The following SLX4IP variants were observed in gnomAD, a reference collection of about 807,000 sequenced individuals.
SLX4IP encodes the protein protein SLX4IP.
Under a neutral mutation model 32.9 loss-of-function variants are expected in SLX4IP, and 34 were observed. The ratio of observed to expected loss-of-function variants is 1.03; its 90% CI spans 0.79 to 1.38. SLX4IP has a LOEUF of 1.38. Among genes scored for constraint, SLX4IP ranks in the 40% most tolerant of loss-of-function variants. The pLI is 0.00. For synonymous variants in SLX4IP, 172 were observed against 171.7 expected (o/e 1.00, Z -0.01); for missense variants, 444 against 479.0 (o/e 0.93, Z 0.68).
At chr20:10,504,426 T>C (rs2065741930) in intron 2 of SLX4IP, among the ~76,000 whole-genome samples, 2 of 152,214 alleles carry the variant, frequency 1.3e-5, no homozygotes, top group East Asian at 3.9e-4. Context: ...CAGCAGGGGA[T>C]GTAAAGAGCC....
intron 1 of SLX4IP, among the ~76,000 whole-genome samples, chr20:10,444,733 G>T (rs1035494654): frequency 2.0e-5 from 3 of 152,158 alleles, no homozygotes; most frequent in African/African-American, 7.2e-5. Context: ...ACATAAGGTA[G>T]AGAGGCTGGG....
intron 1 of SLX4IP, among the ~76,000 whole-genome samples, chr20:10,445,620 G>A (rs2065195787): frequency 6.9e-6 from 1 of 144,378 alleles, no homozygotes; most frequent in Non-Finnish European, 1.5e-5. Context: ...CAGCCGATGA[G>A]ATTGCCCTTT....
chr20:10,476,058 A>C (rs6039968), intron 2 of SLX4IP, among the ~76,000 whole-genome samples: 67 of 152,312 alleles, frequency 4.4e-4, no homozygotes, highest in African/African-American at 1.6e-3. Flanking sequence ...GATGGTCATA[A>C]TTAACTGCTT....
chr20:10,613,539 C>A, intron 6 of SLX4IP: 1 of 1,611,364 alleles, frequency 6.2e-7, no homozygotes. Context: ...TTCCTTTTGC[C>A]AATCCTTTTG....
At chr20:10,441,204 G>A (rs1430521688) in intron 1 of SLX4IP, among the ~76,000 whole-genome samples, 1 of 152,154 alleles carries the variant, frequency 6.6e-6, no homozygotes, top group Non-Finnish European at 1.5e-5. Context: ...GAGAGTCTGA[G>A]GCGAGTGGAG....
chr20:10,478,024 G>T (rs1479239178), intron 2 of SLX4IP, among the ~76,000 whole-genome samples: 5 of 151,030 alleles, frequency 3.3e-5, no homozygotes, highest in African/African-American at 9.8e-5. Flanking sequence ...TCAGCCTCCA[G>T]AGTAGCTGGG....
At chr20:10,507,978 A>G (rs2065773706) in intron 2 of SLX4IP, among the ~76,000 whole-genome samples, 1 of 151,878 alleles carries the variant, frequency 6.6e-6, no homozygotes, top group Non-Finnish European at 1.5e-5. Flanking sequence ...ATATATATAC[A>G]CACATTTGTG....
chr20:10,521,815 C>G (rs2065902648), intron 2 of SLX4IP, among the ~76,000 whole-genome samples: 1 of 152,160 alleles, frequency 6.6e-6, no homozygotes, highest in South Asian at 2.1e-4. Flanking sequence ...TTTTGGCTTT[C>G]TAAGGCACAA....
intron 2 of SLX4IP, among the ~76,000 whole-genome samples, chr20:10,504,810 C>T (rs114773255): frequency 0.019 from 2,930 of 152,124 alleles, 80 homozygotes; most frequent in African/African-American, 0.056. Flanking sequence ...CTTAGGTAGC[C>T]GGAACTGTGG....
chr20:10,459,063 C>T (rs34268543), intron 2 of SLX4IP, among the ~76,000 whole-genome samples: 83 of 152,268 alleles, frequency 5.5e-4, no homozygotes, highest in Non-Finnish European at 7.5e-4. Flanking sequence ...TTCTCACTGG[C>T]GTGAGATGGT....
At chr20:10,467,851 ATTAATTTTTTT>A (rs1276820920) in intron 2 of SLX4IP, among the ~76,000 whole-genome samples, 1 of 152,122 alleles carries the variant, frequency 6.6e-6, no homozygotes, top group African/African-American at 2.4e-5. Context: ...TGGACTTGAA[ATTAATTTTTTT>A]TTTCTAAGAG....
chr20:10,455,971 G>T (rs1189023279), intron 1 of SLX4IP, among the ~76,000 whole-genome samples: 1 of 152,046 alleles, frequency 6.6e-6, no homozygotes, highest in Admixed American at 6.6e-5. Context: ...TCCAAAATAC[G>T]AAATCCTCCA....
At chr20:10,620,622 C>T (rs1347780059) in intron 6 of SLX4IP, among the ~76,000 whole-genome samples, 3 of 151,962 alleles carry the variant, frequency 2.0e-5, no homozygotes, top group Non-Finnish European at 2.9e-5. Context: ...GGTGCCATCT[C>T]GGCTCACTGC....
chr20:10,448,559 G>A (rs77145115), intron 1 of SLX4IP, among the ~76,000 whole-genome samples: 2,089 of 152,310 alleles, frequency 0.014, 39 homozygotes, highest in African/African-American at 0.046. Context: ...ATGTAAGAGT[G>A]GCTTGGAAAA....
chr20:10,511,111 T>A (rs1335040864), intron 2 of SLX4IP, among the ~76,000 whole-genome samples: 3 of 152,220 alleles, frequency 2.0e-5, no homozygotes, highest in Non-Finnish European at 4.4e-5. Flanking sequence ...AACCAAGTTG[T>A]GTCCTTATTC....
intron 2 of SLX4IP, among the ~76,000 whole-genome samples, chr20:10,540,144 T>TCTCC (rs2066090059): frequency 2.5e-5 from 2 of 80,682 alleles, no homozygotes; most frequent in South Asian, 8.7e-4. Context: ...TCCTTCCTTC[T>TCTCC]TTCCTTCCTT....
intron 6 of SLX4IP, among the ~76,000 whole-genome samples, chr20:10,607,126 A>T (rs1390461126): frequency 6.6e-6 from 1 of 152,176 alleles, no homozygotes; most frequent in Non-Finnish European, 1.5e-5. Context: ...CCGTGTAGTG[A>T]CCAATATTAT....
chr20:10,488,246 A>G (rs890032680), intron 2 of SLX4IP, among the ~76,000 whole-genome samples: 3 of 152,208 alleles, frequency 2.0e-5, no homozygotes, highest in African/African-American at 7.2e-5. Context: ...CCCTAAACCA[A>G]TATGACTGAT....
intron 2 of SLX4IP, among the ~76,000 whole-genome samples, chr20:10,484,591 G>A (rs6074150): frequency 0.029 from 4,421 of 152,196 alleles, 94 homozygotes; most frequent in Non-Finnish European, 0.044. Context: ...GAAAGGCTAT[G>A]TCTGATGAAT....
Sources: gnomAD v4.1 joint callset for allele counts (sites outside exome capture counted in the v4.1 genomes callset) on GRCh38, gnomAD v4.1.1 for gene constraint, MANE v1.5 for transcripts, NCBI Gene and HGNC (gene_info 2026-07-23, HGNC 2026-07-21) for gene names.